OR6C74: variants seen among roughly 807,000 people sequenced by gnomAD.
The protein encoded by OR6C74 is olfactory receptor family 6 subfamily C member 74.
For missense variants in OR6C74, 361 were observed against 362.9 expected (o/e 0.99, Z 0.04); for synonymous variants, 142 against 134.2 (o/e 1.06, Z -0.40).
At position 55,250,002 on chromosome 12, in the gene OR6C74, G is replaced by A. The variant is rs570539864; in HGVS notation, c.*1776G>A. Among the ~76,000 whole-genome samples, 4 of 151,946 alleles carry A rather than the reference G, an allele frequency of 2.6e-5. No homozygotes were observed. Among genetic ancestry groups the A allele is most frequent in the South Asian group, 2.1e-4 (1 of 4,824 alleles). On this transcript the variant is annotated 3_prime_UTR_variant, in exon 2 of 2. Coordinates refer to ENST00000343399, the MANE Select transcript of OR6C74 (RefSeq NM_001005490.2). ...TTCCCACCTATGAGTGACAACATGC[G>A]GTGTTTGGTTTTTTGTCCTTGCGAT...
At position 55,256,261 on chromosome 12, in the gene OR6C74, C is replaced by T. The variant is rs1001906218; in HGVS notation, c.*8035C>T. Reference sequence around the variant, plus strand: ...CCCTTGTGTAGAGCCTATAAATGGACGCATTGGGGGGGCACCTGTTCATAT... The same window carrying T: ...CCCTTGTGTAGAGCCTATAAATGGATGCATTGGGGGGGCACCTGTTCATAT... On this transcript the variant is annotated 3_prime_UTR_variant, in exon 2 of 2. Transcript: ENST00000343399. Among the ~76,000 whole-genome samples the T allele has an allele frequency of 2.6e-5, 4 of 151,938 alleles. No individual in the cohort carries two copies. Among genetic ancestry groups the T allele is most frequent in the African/African-American group, 7.2e-5 (3 of 41,386 alleles).
chr12:55,247,368 TCTC>T lies in OR6C74; in HGVS notation c.84_86del (p.Leu29del). ...CACAATTACAGGTGATTATTTTTCT[TCTC>T]CTTTTTTTCACCTACATGTTGAGCA... On this transcript the variant is annotated inframe_deletion, in exon 2 of 2. Transcript: ENST00000343399. The T allele has an allele frequency of 6.2e-7, 1 of 1,612,488 alleles. No homozygotes were observed. Among genetic ancestry groups the T allele is most frequent in the Non-Finnish European group, 8.5e-7 (1 of 1,178,560 alleles).
In OR6C74 at chr12:55,252,344, A is replaced by T. The variant is rs923981697; in HGVS notation, c.*4118A>T. Among the ~76,000 whole-genome samples the T allele has an allele frequency of 2.0e-5, 3 of 151,624 alleles. No homozygotes were observed. The highest frequency in any genetic ancestry group is 4.8e-5 in the African/African-American group (2 of 41,348). ...TGTAGTGCAAAGTTAATGCTTCACA[A>T]TAATGTGGATCCATTTTAAATGAAC... is the stretch of plus-strand genomic sequence containing the variant. On this transcript the variant is annotated 3_prime_UTR_variant, in exon 2 of 2. Transcript: ENST00000343399.
chr12:55,245,642 G>A (rs1010242665), intron 1 of OR6C74, among the ~76,000 whole-genome samples: 1 of 152,048 alleles, frequency 6.6e-6, no homozygotes, highest in African/African-American at 2.4e-5. Flanking sequence ...ATGCTGTCAA[G>A]TAGGTTATAA....
rs747458871 is a variant in OR6C74 at position 55,247,746 on chromosome 12, A to G, written c.459A>G (p.Ile153Met). The change falls in exon 2 of 2, where the codon ATA becomes ATG. Residue 153 changes from isoleucine (I) to methionine (M), a missense_variant. Ile to Met is a conservative substitution (Grantham distance 10). Coordinates refer to ENST00000343399, the MANE Select transcript of OR6C74 (RefSeq NM_001005490.2). ...CTTCATGGATGGCTGGCTTCCTAAT[A>G]ATTTTTCCGCCACTCCTGATGGGTC... Reference protein sequence around the residue: ...VFASWMAGFLIIFPPLLMGLQ... With the variant: ...VFASWMAGFLMIFPPLLMGLQ... 2 of 1,613,850 alleles carry G rather than the reference A, an allele frequency of 1.2e-6. No homozygotes were observed. Among genetic ancestry groups the G allele is most frequent in the South Asian group, 2.2e-5 (2 of 91,072 alleles).
rs550570699 is a variant in OR6C74, at chr12:55,252,997, A to C, written c.*4771A>C. 6.6e-5 allele frequency among the ~76,000 whole-genome samples: 10 copies of C among 151,820 alleles called. No homozygotes were observed. Among genetic ancestry groups the C allele is most frequent in the African/African-American group, 1.9e-4 (8 of 41,366 alleles). ...ACAACCCTTTAAAAATGTAAAATAC[A>C]TCTCAGGATCTCAGGTGGAAGTCTG... is the stretch of plus-strand genomic sequence containing the variant. On this transcript the variant is annotated 3_prime_UTR_variant, in exon 2 of 2. Transcript: ENST00000343399.
At position 55,250,299 on chromosome 12, in the gene OR6C74, TAATA is replaced by T. The variant is rs1954304125; in HGVS notation, c.*2074_*2077del. On this transcript the variant is annotated 3_prime_UTR_variant, in exon 2 of 2. Transcript: ENST00000343399. ...TCTAAGCTCAGCTCTTTTTAAAGTC[TAATA>T]TATAGGTAAATCCATAAATCATTGA... is the stretch of plus-strand genomic sequence containing the variant. Among the ~76,000 whole-genome samples, 1 of 152,186 alleles carries T rather than the reference TAATA, an allele frequency of 6.6e-6. No individual in the cohort carries two copies. Among genetic ancestry groups the T allele is most frequent in the Non-Finnish European group, 1.5e-5 (1 of 68,012 alleles).
intron 1 of OR6C74, among the ~76,000 whole-genome samples, chr12:55,246,816 A>G (rs1954272830): frequency 6.6e-6 from 1 of 152,094 alleles, no homozygotes; most frequent in African/African-American, 2.4e-5. Context: ...CTTTGATCTT[A>G]AAAGACAGAG....
rs952435985 is a variant in OR6C74 at position 55,249,969 on chromosome 12, T to C, written c.*1743T>C. ...GCCTTCCTGTGTCCAGGTGTTCTTA[T>C]TGTTCAATTCCCACCTATGAGTGAC... On this transcript the variant is annotated 3_prime_UTR_variant, in exon 2 of 2. Transcript: ENST00000343399. Among the ~76,000 whole-genome samples, 1 of 152,142 alleles carries C rather than the reference T, an allele frequency of 6.6e-6. No homozygotes were observed. Among genetic ancestry groups the C allele is most frequent in the African/African-American group, 2.4e-5 (1 of 41,432 alleles).
In OR6C74 at chr12:55,250,308, G is replaced by A. The variant is rs1325914093; in HGVS notation, c.*2082G>A. Among the ~76,000 whole-genome samples the A allele has an allele frequency of 6.6e-6, 1 of 151,918 alleles. No individual in the cohort carries two copies. The highest frequency in any genetic ancestry group is 1.9e-4 in the East Asian group (1 of 5,178). Reference sequence around the variant, plus strand: ...AGCTCTTTTTAAAGTCTAATATATAGGTAAATCCATAAATCATTGAATGTA... The same window carrying A: ...AGCTCTTTTTAAAGTCTAATATATAAGTAAATCCATAAATCATTGAATGTA... On this transcript the variant is annotated 3_prime_UTR_variant, in exon 2 of 2. Coordinates refer to ENST00000343399, the MANE Select transcript of OR6C74 (RefSeq NM_001005490.2).
In OR6C74 at chr12:55,248,133, G is replaced by A; in HGVS notation, c.846G>A (p.Met282Ile). Residue 282 changes from methionine (M) to isoleucine (I), a missense_variant, in exon 2 of 2, where the codon ATG (methionine) becomes ATA (isoleucine). Met to Ile is a conservative substitution (Grantham distance 10). Coordinates refer to ENST00000343399, the MANE Select transcript of OR6C74 (RefSeq NM_001005490.2). ...IALLSTSVAPMLNPFIYTLRN... is the reference protein window; with the variant it reads ...IALLSTSVAPILNPFIYTLRN... ...TGCTCAGCACTTCTGTTGCCCCCAT[G>A]TTGAATCCCTTTATTTATACACTGA... is the stretch of plus-strand genomic sequence containing the variant. 6.2e-7 allele frequency: 1 copy of A among 1,613,824 alleles called. No homozygotes were observed. Among genetic ancestry groups the A allele is most frequent in the Middle Eastern group, 1.6e-4 (1 of 6,062 alleles).
Position 55,247,489 on chromosome 12 carries a change from G to T in OR6C74, c.202G>T (p.Glu68Ter). 6.2e-7 allele frequency: 1 copy of T among 1,613,588 alleles called. No homozygotes were observed. Among genetic ancestry groups the T allele is most frequent in the South Asian group, 1.1e-5 (1 of 90,994 alleles). Residue 68 changes from glutamate to a stop codon, truncating the protein, a stop_gained, in exon 2 of 2, where the codon GAA becomes TAA. Coordinates refer to ENST00000343399, the MANE Select transcript of OR6C74 (RefSeq NM_001005490.2). LOFTEE classifies it low-confidence loss of function (END_TRUNC). The stretch of plus-strand genomic sequence containing the variant: ...CTTCCTCCGAAATTTCTCATTTTTA[G>T]AAGTCTCATTCACAACTGTCTACAT... ...YFFLRNFSFL[E>*]VSFTTVYIPK...
At position 55,253,504 on chromosome 12, in the gene OR6C74, G is replaced by A; in HGVS notation, c.*5278G>A. On this transcript the variant is annotated 3_prime_UTR_variant, in exon 2 of 2. Transcript: ENST00000343399. ...TTTCCACTTGGCCCTGAATATATGT[G>A]TTTTAACTGTATGCACAGGACAACT... Among the ~76,000 whole-genome samples, 1 of 152,034 alleles carries A rather than the reference G, an allele frequency of 6.6e-6. No homozygotes were observed. The highest frequency in any genetic ancestry group is 1.9e-4 in the East Asian group (1 of 5,178).
In OR6C74 at chr12:55,247,596, T is replaced by G. The variant is rs763751964; in HGVS notation, c.309T>G (p.Ile103Met). 6.2e-7 allele frequency: 1 copy of G among 1,613,898 alleles called. No individual in the cohort carries two copies. The highest frequency in any genetic ancestry group is 8.5e-7 in the Non-Finnish European group (1 of 1,179,946). The stretch of plus-strand genomic sequence containing the variant: ...GTGCAGCACAGCTGTTTTTCACTAT[T>G]CTCTTGGGGGCAACTGAATTTTTTC... ...NDCAAQLFFT[I>M]LLGATEFFLL... The change falls in exon 2 of 2, where the codon ATT becomes ATG. Residue 103 changes from isoleucine to methionine, a missense_variant. By Grantham distance (10) the Ile-to-Met change is conservative. Coordinates refer to ENST00000343399, the MANE Select transcript of OR6C74 (RefSeq NM_001005490.2).
At position 55,253,511 on chromosome 12, in the gene OR6C74, C is replaced by T. The variant is rs888922612; in HGVS notation, c.*5285C>T. Among the ~76,000 whole-genome samples the T allele has an allele frequency of 6.6e-5, 10 of 152,092 alleles. No homozygotes were observed. The highest frequency in any genetic ancestry group is 2.4e-4 in the African/African-American group (10 of 41,442). On this transcript the variant is annotated 3_prime_UTR_variant, in exon 2 of 2. Transcript: ENST00000343399. Reference sequence around the variant, plus strand: ...TTGGCCCTGAATATATGTGTTTTAACTGTATGCACAGGACAACTTTGCACA... The same window carrying T: ...TTGGCCCTGAATATATGTGTTTTAATTGTATGCACAGGACAACTTTGCACA...
In OR6C74 at chr12:55,249,724, C is replaced by T. The variant is rs1040965756; in HGVS notation, c.*1498C>T. On this transcript the variant is annotated 3_prime_UTR_variant, in exon 2 of 2. Transcript: ENST00000343399. ...TCTAGGGAGTATTCTTTAACTTTCA[C>T]TATTTGGCTTTCTTTGCATCAGGAA... Among the ~76,000 whole-genome samples, 1 of 151,904 alleles carries T rather than the reference C, an allele frequency of 6.6e-6. No individual in the cohort carries two copies. Among genetic ancestry groups the T allele is most frequent in the African/African-American group, 2.4e-5 (1 of 41,356 alleles).
Position 55,248,351 on chromosome 12 carries a change from G to A in OR6C74, c.*125G>A. The A allele has an allele frequency of 1.6e-6, 1 of 625,826 alleles. No homozygotes were observed. The highest frequency in any genetic ancestry group is 2.8e-5 in the East Asian group (1 of 36,006). 38.8% of individuals were successfully genotyped at this position (625,826 alleles called of 1,614,324 possible). A position where few individuals can be genotyped will look rare whatever the true frequency, so the allele number is the denominator to read the frequency against. ...TTTTTTGACTTATAATTTTCATTAT[G>A]GCCTTCCTAATCTCCAAAGCCTAAC... is the stretch of plus-strand genomic sequence containing the variant. On this transcript the variant is annotated 3_prime_UTR_variant, in exon 2 of 2. Coordinates refer to ENST00000343399, the MANE Select transcript of OR6C74 (RefSeq NM_001005490.2).
At position 55,253,120 on chromosome 12, in the gene OR6C74, A is replaced by G. The variant is rs774078727; in HGVS notation, c.*4894A>G. Reference sequence around the variant, plus strand: ...TACAAAGGTATACCATTTTATTTGCAGGTTGTGCCAATAAATTCTTGTATT... The same window carrying G: ...TACAAAGGTATACCATTTTATTTGCGGGTTGTGCCAATAAATTCTTGTATT... On this transcript the variant is annotated 3_prime_UTR_variant, in exon 2 of 2. Coordinates refer to ENST00000343399, the MANE Select transcript of OR6C74 (RefSeq NM_001005490.2). Among the ~76,000 whole-genome samples, 1 of 152,040 alleles carries G rather than the reference A, an allele frequency of 6.6e-6. No homozygotes were observed. The highest frequency in any genetic ancestry group is 1.5e-5 in the Non-Finnish European group (1 of 67,926).
rs2136314094 is a variant in OR6C74 at position 55,248,651 on chromosome 12, GCTTT to G, written c.*433_*436del. 6.6e-6 allele frequency among the ~76,000 whole-genome samples: 1 copy of G among 152,224 alleles called. No individual in the cohort carries two copies. Among genetic ancestry groups the G allele is most frequent in the African/African-American group, 2.4e-5 (1 of 41,540 alleles). On this transcript the variant is annotated 3_prime_UTR_variant, in exon 2 of 2. Coordinates refer to ENST00000343399, the MANE Select transcript of OR6C74 (RefSeq NM_001005490.2). Reference sequence around the variant, plus strand: ...ATTGGTGGATACAAAAGTGAAATCTGCTTTCTTTCTTAGTGTTTAGTAGAATCTC... The same window carrying G: ...ATTGGTGGATACAAAAGTGAAATCTGCTTTCTTAGTGTTTAGTAGAATCTC...
Sources: gnomAD v4.1 joint callset for allele counts (sites outside exome capture counted in the v4.1 genomes callset) on GRCh38, gnomAD v4.1.1 for gene constraint, MANE v1.5 for transcripts, NCBI Gene and HGNC (gene_info 2026-07-23, HGNC 2026-07-21) for gene names.